FAF1: variants seen among roughly 807,000 people sequenced by gnomAD.
FAF1 encodes Fas associated factor 1.
FAF1 carries 25 observed loss-of-function variants against 92.5 expected under a neutral mutation model. The observed-to-expected ratio is 0.27, with a 90% CI of 0.20 to 0.38. The LOEUF (loss-of-function observed/expected upper bound fraction) is 0.38. Among genes scored for constraint, FAF1 ranks in the 10% least tolerant of loss-of-function variants. The probability of loss-of-function intolerance (pLI) is 1.00; values close to 1 mark genes in which losing one functional copy is unlikely to be tolerated. For synonymous variants in FAF1, 234 were observed against 273.2 expected (o/e 0.86, Z 1.42); for missense variants, 636 against 793.3 (o/e 0.80, Z 2.38).
At chr1:50,888,843 T>A (rs1352415626) in intron 1 of FAF1, among the ~76,000 whole-genome samples, 1 of 152,194 alleles carries the variant, frequency 6.6e-6, no homozygotes, top group Non-Finnish European at 1.5e-5. Flanking sequence ...GTTGTGTCTC[T>A]GCCAGGCTTT....
chr1:50,936,425 A>G (rs1645085666), intron 1 of FAF1, among the ~76,000 whole-genome samples: 1 of 152,226 alleles, frequency 6.6e-6, no homozygotes, highest in Non-Finnish European at 1.5e-5. Flanking sequence ...ATGCCTACAC[A>G]CAAGTCTATG....
intron 14 of FAF1, among the ~76,000 whole-genome samples, 188 bp downstream of exon 14, chr1:50,539,404 T>C (rs1428741182): frequency 3.3e-5 from 5 of 152,244 alleles, no homozygotes; most frequent in African/African-American, 4.8e-5. Flanking sequence ...TTAAGATGTT[T>C]CTTTTAGATT....
chr1:50,941,040 T>G (rs1020129598), intron 1 of FAF1, among the ~76,000 whole-genome samples: 3 of 151,842 alleles, frequency 2.0e-5, no homozygotes, highest in African/African-American at 4.8e-5. Context: ...TTGGTTTTTT[T>G]TTTTTTTTTA....
At chr1:50,926,909 C>CA (rs1229314960) in intron 1 of FAF1, among the ~76,000 whole-genome samples, 4 of 152,200 alleles carry the variant, frequency 2.6e-5, no homozygotes, top group Admixed American at 2.6e-4. Flanking sequence ...TATGTTCACA[C>CA]AACAGAGTAT....
At chr1:50,619,121 T>G (rs931028819) in intron 8 of FAF1, among the ~76,000 whole-genome samples, 1 of 152,206 alleles carries the variant, frequency 6.6e-6, no homozygotes, top group South Asian at 2.1e-4. Context: ...TTTGAGACTG[T>G]GGGTGTCATT....
At chr1:50,519,057 C>A (rs554570776) in intron 15 of FAF1, among the ~76,000 whole-genome samples, 1 of 152,092 alleles carries the variant, frequency 6.6e-6, no homozygotes, top group Non-Finnish European at 1.5e-5. Context: ...CACGGCCAGG[C>A]ACGGTGGCTC....
At chr1:50,938,369 C>A (rs60290409) in intron 1 of FAF1, among the ~76,000 whole-genome samples, 13,121 of 152,224 alleles carry the variant, frequency 0.086, 587 homozygotes, top group African/African-American at 0.098. Context: ...CTAGGACCAG[C>A]TATGTATGTC....
chr1:50,916,951 G>C (rs1644922764), intron 1 of FAF1, among the ~76,000 whole-genome samples: 1 of 152,128 alleles, frequency 6.6e-6, no homozygotes, highest in South Asian at 2.1e-4. Flanking sequence ...AATTAGCCAA[G>C]TCCTAGGTAA....
chr1:50,675,664 C>T (rs929659437), intron 7 of FAF1, among the ~76,000 whole-genome samples: 8 of 152,324 alleles, frequency 5.3e-5, no homozygotes, highest in Non-Finnish European at 7.3e-5. Flanking sequence ...GGGACCCAAA[C>T]TGGTTGCAAA....
At chr1:50,879,538 G>A (rs1253752353) in intron 1 of FAF1, among the ~76,000 whole-genome samples, 2 of 152,122 alleles carry the variant, frequency 1.3e-5, no homozygotes, top group Non-Finnish European at 2.9e-5. Flanking sequence ...TTAGGTAGAT[G>A]GGAAAGATTC....
At chr1:50,861,981 C>CTAT (rs1350969241) in intron 1 of FAF1, among the ~76,000 whole-genome samples, 1 of 151,484 alleles carries the variant, frequency 6.6e-6, no homozygotes, top group Non-Finnish European at 1.5e-5. Context: ...GCCAACCAGA[C>CTAT]TATTGTATTT....
chr1:50,862,396 A>G (rs1255822771), intron 1 of FAF1, among the ~76,000 whole-genome samples: 1 of 151,964 alleles, frequency 6.6e-6, no homozygotes, highest in Non-Finnish European at 1.5e-5. Context: ...CGCTGGATAG[A>G]GAGCAAAATG....
intron 4 of FAF1, among the ~76,000 whole-genome samples, chr1:50,775,045 G>A (rs1660906022): frequency 6.6e-6 from 1 of 152,008 alleles, no homozygotes; most frequent in Non-Finnish European, 1.5e-5. Flanking sequence ...TGGAAAAGGT[G>A]CATAATCTGA....
chr1:50,585,751 G>C lies in FAF1; in HGVS notation c.841-940C>G, dbSNP rs1316673090. 3.3e-5 allele frequency among the ~76,000 whole-genome samples: 5 copies of C among 151,932 alleles called. No individual in the cohort carries two copies. In the East Asian group the frequency reaches 9.6e-4, roughly 29 times the overall value. ...CTATGTACTTAAGTTATAAAATGGG[G>C]AAACTGATCCTTCAGTCTATGTAGA... On this transcript the variant is annotated intron_variant, in intron 9 of 18. Transcript: ENST00000396153.
intron 1 of FAF1, among the ~76,000 whole-genome samples, chr1:50,887,962 C>A (rs1245764801): frequency 6.6e-6 from 1 of 152,144 alleles, no homozygotes; most frequent in Non-Finnish European, 1.5e-5. Flanking sequence ...TATGAATTAC[C>A]TTGGGCAGTA....
intron 1 of FAF1, among the ~76,000 whole-genome samples, chr1:50,891,295 TG>T (rs1457719500): frequency 6.6e-5 from 10 of 152,096 alleles, no homozygotes; most frequent in African/African-American, 2.4e-4. Context: ...TTCTTTGAGA[TG>T]GGTTCGAACA....
intron 2 of FAF1, among the ~76,000 whole-genome samples, chr1:50,836,503 C>T (rs373353168): frequency 2.6e-5 from 4 of 152,124 alleles, no homozygotes; most frequent in South Asian, 2.1e-4. Flanking sequence ...CCTAATATTA[C>T]AGTTTATTCT....
chr1:50,538,953 T>C (rs2149039754), intron 14 of FAF1, among the ~76,000 whole-genome samples: 1 of 152,302 alleles, frequency 6.6e-6, no homozygotes, highest in East Asian at 1.9e-4. Flanking sequence ...TTTTCCCCAG[T>C]GGCATAGAGA....
intron 4 of FAF1, among the ~76,000 whole-genome samples, chr1:50,785,454 A>C (rs1661328466): frequency 1.3e-5 from 2 of 152,124 alleles, no homozygotes; most frequent in South Asian, 4.1e-4. Flanking sequence ...AACCCATTTA[A>C]AAAAATGGAC....
Sources: allele counts gnomAD v4.1 joint callset (sites outside exome capture counted in the v4.1 genomes callset), GRCh38; gene constraint gnomAD v4.1.1; transcripts MANE v1.5; gene names NCBI Gene and HGNC (gene_info 2026-07-23, HGNC 2026-07-21).